The following KAZN variants were observed in gnomAD, a reference collection of about 807,000 sequenced individuals.
KAZN encodes the protein kazrin.
KAZN carries 40 observed loss-of-function variants against 87.4 expected under a neutral mutation model. The ratio of observed to expected loss-of-function variants is 0.46; its 90% CI spans 0.36 to 0.60. The LOEUF is 0.60. Among genes scored for constraint, KAZN ranks in the 20% least tolerant of loss-of-function variants. KAZN has a pLI of 0.00. For synonymous variants in KAZN, 466 were observed against 458.3 expected (o/e 1.02, Z -0.22); for missense variants, 898 against 1,073.9 (o/e 0.84, Z 2.29).
chr1:14,798,724 A>T (rs6667250), intron 1 of KAZN, among the ~76,000 whole-genome samples: 1 of 151,610 alleles, frequency 6.6e-6, no homozygotes, highest in African/African-American at 2.4e-5. Context: ...GTGAGCCACC[A>T]CGCCCGGCCC....
intron 1 of KAZN, chr1:14,945,840 C>A (rs1156824225): frequency 2.0e-5 from 20 of 984,672 alleles, no homozygotes; most frequent in Non-Finnish European, 2.3e-5. Flanking sequence ...CGCTCCGGCC[C>A]GGAAGACTTG....
intron 1 of KAZN, among the ~76,000 whole-genome samples, chr1:14,754,559 A>G (rs1644504638): frequency 6.6e-6 from 1 of 152,092 alleles, no homozygotes; most frequent in African/African-American, 2.4e-5. Flanking sequence ...CTTGAACTTG[A>G]GAAGTAGAGG....
At chr1:14,043,794 T>C (rs1641942001) in intron 1 of KAZN, among the ~76,000 whole-genome samples, 1 of 152,180 alleles carries the variant, frequency 6.6e-6, no homozygotes, top group South Asian at 2.1e-4. Flanking sequence ...CCATGTTACA[T>C]ATGAAAAGCT....
At chr1:14,673,124 G>T (rs543613291) in intron 1 of KAZN, among the ~76,000 whole-genome samples, 1 of 152,210 alleles carries the variant, frequency 6.6e-6, no homozygotes, top group Non-Finnish European at 1.5e-5. Context: ...CCTTACCTTG[G>T]TACATTATAT....
chr1:14,860,979 G>A (rs1283939677), intron 1 of KAZN, among the ~76,000 whole-genome samples: 1 of 152,184 alleles, frequency 6.6e-6, no homozygotes, highest in Admixed American at 6.5e-5. Flanking sequence ...CTTGTCTCTT[G>A]TCCCTGGTGC....
intron 1 of KAZN, among the ~76,000 whole-genome samples, chr1:13,994,805 A>G (rs1240185738): frequency 6.6e-6 from 1 of 152,150 alleles, no homozygotes; most frequent in Non-Finnish European, 1.5e-5. Flanking sequence ...ATGCTGTAAG[A>G]TCCTTCCAAG....
At chr1:14,610,354 C>T (rs1266191583) in intron 1 of KAZN, among the ~76,000 whole-genome samples, 5 of 152,124 alleles carry the variant, frequency 3.3e-5, no homozygotes, top group African/African-American at 1.2e-4. Context: ...ACACGAGTGG[C>T]TGGGACTACA....
chr1:14,351,548 A>T (rs1658550663), intron 2 of KAZN, among the ~76,000 whole-genome samples: 1 of 152,264 alleles, frequency 6.6e-6, no homozygotes, highest in Admixed American at 6.5e-5. Flanking sequence ...ACAGAGCTAG[A>T]CTCCAGTCTC....
chr1:14,627,914 G>T (rs1679264990), intron 1 of KAZN, among the ~76,000 whole-genome samples: 1 of 152,166 alleles, frequency 6.6e-6, no homozygotes, highest in Non-Finnish European at 1.5e-5. Context: ...CTTGGCATTT[G>T]GGTCACGTGT....
intron 2 of KAZN, among the ~76,000 whole-genome samples, chr1:14,576,923 C>T (rs1462767155): frequency 6.6e-6 from 1 of 152,212 alleles, no homozygotes; most frequent in Non-Finnish European, 1.5e-5. Flanking sequence ...TACCCAATTA[C>T]TGGTGAATCA....
chr1:14,868,060 A>AGCATCGCATACGCAG (rs146600193), intron 1 of KAZN, among the ~76,000 whole-genome samples: 52,490 of 151,226 alleles, frequency 0.35, 9,466 homozygotes, highest in South Asian at 0.44. Context: ...ACATACGCAC[A>AGCATCGCATACGCAG]GCATTGCATA....
chr1:15,098,760 G>A (rs1182847812), intron 10 of KAZN, among the ~76,000 whole-genome samples: 1 of 152,252 alleles, frequency 6.6e-6, no homozygotes, highest in Non-Finnish European at 1.5e-5. Context: ...CAGTTCAGGA[G>A]CTCCAGCTGG....
intron 2 of KAZN, among the ~76,000 whole-genome samples, chr1:14,545,828 T>G (rs1172263688): frequency 1.3e-5 from 2 of 152,082 alleles, no homozygotes; most frequent in Non-Finnish European, 2.9e-5. Flanking sequence ...ACACTGGCTT[T>G]TAAATATCCC....
At chr1:14,409,398 C>A (rs550565865) in intron 2 of KAZN, among the ~76,000 whole-genome samples, 1 of 152,174 alleles carries the variant, frequency 6.6e-6, no homozygotes, top group African/African-American at 2.4e-5. Flanking sequence ...TGGAGGAAAA[C>A]CACCTACCTG....
At chr1:14,640,109 T>A (rs1298626294) in intron 1 of KAZN, among the ~76,000 whole-genome samples, 1 of 152,180 alleles carries the variant, frequency 6.6e-6, no homozygotes, top group Non-Finnish European at 1.5e-5. Flanking sequence ...GCAATATTTT[T>A]AAAAACCCCA....
chr1:14,791,482 G>A (rs1412682119), intron 1 of KAZN, among the ~76,000 whole-genome samples: 1 of 152,202 alleles, frequency 6.6e-6, no homozygotes, highest in Non-Finnish European at 1.5e-5. Context: ...GAAGCAACAC[G>A]CTGCGCTTGT....
intron 1 of KAZN, among the ~76,000 whole-genome samples, chr1:14,726,367 C>T (rs1643381840): frequency 6.6e-6 from 1 of 152,210 alleles, no homozygotes; most frequent in Non-Finnish European, 1.5e-5. Context: ...GACTAATTGT[C>T]CCTGTTCCCC....
chr1:15,102,805 T>C (rs562576813), intron 11 of KAZN, among the ~76,000 whole-genome samples: 32 of 152,330 alleles, frequency 2.1e-4, no homozygotes, highest in Admixed American at 1.6e-3. Flanking sequence ...TGCCACTGTG[T>C]GGCTCTGGGC....
At chr1:14,868,003 C>A (rs1366208494) in intron 1 of KAZN, among the ~76,000 whole-genome samples, 3 of 71,470 alleles carry the variant, frequency 4.2e-5, no homozygotes, top group Non-Finnish European at 7.5e-5. Flanking sequence ...ACACAGGCAT[C>A]ACAAACGTGG....
Sources: allele counts gnomAD v4.1 joint callset (sites outside exome capture counted in the v4.1 genomes callset), GRCh38; gene constraint gnomAD v4.1.1; transcripts MANE v1.5; gene names NCBI Gene and HGNC (gene_info 2026-07-23, HGNC 2026-07-21).